KCNAB1: variants seen among roughly 807,000 people sequenced by gnomAD.
The protein encoded by KCNAB1 is voltage-gated potassium channel subunit beta-1.
A neutral mutation model predicts 64.6 loss-of-function variants in KCNAB1; 35 were observed. That is an observed-to-expected ratio of 0.54 (90% CI 0.41 to 0.72). The LOEUF (loss-of-function observed/expected upper bound fraction) is 0.72, where lower values mean the gene tolerates loss of function less well. Ranked by LOEUF, KCNAB1 falls within the 30% of genes least tolerant of loss-of-function variation. KCNAB1 has a pLI of 0.00. For synonymous variants in KCNAB1, 177 were observed against 183.8 expected (o/e 0.96, Z 0.30); for missense variants, 401 against 512.9 (o/e 0.78, Z 2.11).
chr3:156,492,549 G>T (rs1208998652), intron 8 of KCNAB1, among the ~76,000 whole-genome samples: 7 of 152,038 alleles, frequency 4.6e-5, no homozygotes, highest in African/African-American at 1.7e-4. Flanking sequence ...CACCAGAGAT[G>T]TTAGGGAAGA....
chr3:156,213,215 C>CTTTTTT (rs5853744), intron 1 of KCNAB1, among the ~76,000 whole-genome samples: 2 of 142,874 alleles, frequency 1.4e-5, no homozygotes, highest in Non-Finnish European at 1.5e-5. Context: ...GTCTCTTTCA[C>CTTTTTT]TTTTTTTTTT....
At chr3:156,298,905 T>C (rs1720971513) in intron 1 of KCNAB1, among the ~76,000 whole-genome samples, 1 of 152,200 alleles carries the variant, frequency 6.6e-6, no homozygotes, top group Non-Finnish European at 1.5e-5. Context: ...AGTGATTGAG[T>C]CTGGAATTCA....
At chr3:156,291,700 C>T in intron 1 of KCNAB1, 7 of 1,421,570 alleles carry the variant, frequency 4.9e-6, no homozygotes, top group African/African-American at 4.3e-5. Flanking sequence ...TCTGGGTCCC[C>T]GGGGACTCTT....
intron 8 of KCNAB1, among the ~76,000 whole-genome samples, chr3:156,493,348 CCTTTTT>C (rs1471695800): frequency 1.3e-5 from 2 of 152,058 alleles, no homozygotes; most frequent in Non-Finnish European, 2.9e-5. Flanking sequence ...TTTACAGCAT[CCTTTTT>C]CTTTTTTTAA....
chr3:156,511,558 C>A (rs1205237960), intron 8 of KCNAB1, among the ~76,000 whole-genome samples: 2 of 152,212 alleles, frequency 1.3e-5, no homozygotes, highest in Non-Finnish European at 2.9e-5. Context: ...CTCCCTTTCC[C>A]TGACCACACT....
chr3:156,470,879 T>C lies in KCNAB1; in HGVS notation c.572-3855T>C, dbSNP rs906923675. ...ATTTTTTTTCAGTGTACTACGTTCATGTAAACATACATCAGCCATCAAGGA... is the reference window on the plus strand; with the variant it reads ...ATTTTTTTTCAGTGTACTACGTTCACGTAAACATACATCAGCCATCAAGGA... On this transcript the variant is annotated intron_variant, in intron 7 of 13. Coordinates refer to ENST00000490337, the MANE Select transcript of KCNAB1 (RefSeq NM_172160.3). Among the ~76,000 whole-genome samples, 67 of 152,232 alleles carry C rather than the reference T, an allele frequency of 4.4e-4. 1 individual carries two copies.
At chr3:156,265,833 A>T (rs1487608938) in intron 1 of KCNAB1, among the ~76,000 whole-genome samples, 1 of 151,992 alleles carries the variant, frequency 6.6e-6, no homozygotes, top group Non-Finnish European at 1.5e-5. Flanking sequence ...TCTCTACTAA[A>T]ATACAAAAAT....
At chr3:156,171,086 T>C (rs1711948368) in intron 1 of KCNAB1, among the ~76,000 whole-genome samples, 1 of 152,068 alleles carries the variant, frequency 6.6e-6, no homozygotes, top group Admixed American at 6.6e-5. Context: ...TGTCTACCTT[T>C]GTTTGAGCTA....
At chr3:156,162,933 C>G (rs1716166460) in intron 1 of KCNAB1, among the ~76,000 whole-genome samples, 1 of 152,082 alleles carries the variant, frequency 6.6e-6, no homozygotes, top group African/African-American at 2.4e-5. Context: ...TTTCACAAAG[C>G]CAATTATATA....
At chr3:156,453,721 C>T (rs73873383) in intron 3 of KCNAB1, among the ~76,000 whole-genome samples, 19,775 of 152,098 alleles carry the variant, frequency 0.13, 1,965 homozygotes, top group African/African-American at 0.28. Flanking sequence ...GCCCTGAGTC[C>T]CTCTGATCCT....
chr3:156,247,187 G>A (rs1415186981), intron 1 of KCNAB1, among the ~76,000 whole-genome samples: 1 of 152,190 alleles, frequency 6.6e-6, no homozygotes, highest in Non-Finnish European at 1.5e-5. Context: ...TGTCTTCCTC[G>A]TGGTTGCTTA....
intron 8 of KCNAB1, among the ~76,000 whole-genome samples, chr3:156,500,884 A>G (rs1716352804): frequency 1.3e-5 from 2 of 152,206 alleles, no homozygotes; most frequent in Non-Finnish European, 2.9e-5. Context: ...TTCTAGGTCA[A>G]AACTATCTTG....
intron 1 of KCNAB1, among the ~76,000 whole-genome samples, chr3:156,220,754 C>T (rs935755201): frequency 3.9e-5 from 6 of 152,154 alleles, no homozygotes; most frequent in Admixed American, 3.9e-4. Flanking sequence ...GCTTTTATTG[C>T]CATTGCTTTT....
chr3:156,162,035 G>A (rs187588995), intron 1 of KCNAB1, among the ~76,000 whole-genome samples: 1 of 152,248 alleles, frequency 6.6e-6, no homozygotes, highest in East Asian at 1.9e-4. Flanking sequence ...GAATTTTTTG[G>A]TCTTGATATT....
chr3:156,174,167 C>T (rs766018477), intron 1 of KCNAB1, among the ~76,000 whole-genome samples: 1 of 152,238 alleles, frequency 6.6e-6, no homozygotes, highest in Admixed American at 6.5e-5. Flanking sequence ...AACTCTAATA[C>T]ATTCTACATT....
At chr3:156,181,792 C>T (rs1213399635) in intron 1 of KCNAB1, among the ~76,000 whole-genome samples, 10 of 151,974 alleles carry the variant, frequency 6.6e-5, no homozygotes, top group Admixed American at 6.6e-4. Context: ...TCATCATTAT[C>T]TGAAAGAGGA....
chr3:156,391,427 G>T (rs1195328245), intron 1 of KCNAB1, among the ~76,000 whole-genome samples: 1 of 152,022 alleles, frequency 6.6e-6, no homozygotes, highest in East Asian at 1.9e-4. Flanking sequence ...CTTTCATTTT[G>T]TTATTTTAGA....
At chr3:156,435,995 T>G (rs1716561730) in intron 2 of KCNAB1, among the ~76,000 whole-genome samples, 2 of 152,202 alleles carry the variant, frequency 1.3e-5, no homozygotes, top group Non-Finnish European at 2.9e-5. Context: ...CCTGGTGGTT[T>G]GCTGAACCTG....
At chr3:156,308,572 C>T (rs995295001) in intron 1 of KCNAB1, among the ~76,000 whole-genome samples, 1 of 152,200 alleles carries the variant, frequency 6.6e-6, no homozygotes, top group African/African-American at 2.4e-5. Context: ...ATGCAGTTCT[C>T]TCACATATGG....
Sources: allele counts gnomAD v4.1 joint callset (sites outside exome capture counted in the v4.1 genomes callset), GRCh38; gene constraint gnomAD v4.1.1; transcripts MANE v1.5; gene names NCBI Gene and HGNC (gene_info 2026-07-23, HGNC 2026-07-21).